The following SLC6A17 variants were observed in gnomAD, a reference collection of about 807,000 sequenced individuals.
SLC6A17 encodes sodium-dependent neutral amino acid transporter SLC6A17.
Under a neutral mutation model 64.5 loss-of-function variants are expected in SLC6A17, and 21 were observed. The ratio of observed to expected loss-of-function variants is 0.33; its 90% CI spans 0.23 to 0.47. SLC6A17 has a LOEUF of 0.47. SLC6A17 is among the 20% of genes least tolerant of loss of function. SLC6A17 has a pLI of 1.00. For missense variants in SLC6A17, 682 were observed against 963.2 expected (o/e 0.71, Z 3.86); for synonymous variants, 372 against 399.5 (o/e 0.93, Z 0.82).
At position 110,198,470 on chromosome 1, in the gene SLC6A17, T is replaced by C; in HGVS notation, c.*26T>C. 1 of 1,578,476 alleles carries C rather than the reference T, an allele frequency of 6.3e-7. No homozygotes were observed. Among genetic ancestry groups the C allele is most frequent in the Non-Finnish European group, 8.6e-7 (1 of 1,160,728 alleles). On this transcript the variant is annotated 3_prime_UTR_variant, in exon 12 of 12. Coordinates refer to ENST00000331565, the MANE Select transcript of SLC6A17 (RefSeq NM_001010898.4). ...CCACTGCCCAAGCCCTGCCCGCCTC[T>C]CCCCCCACGCTCAACCTGCCCACTT...
At chr1:110,159,420 C>T (rs911031679) in intron 1 of SLC6A17, among the ~76,000 whole-genome samples, 7 of 152,194 alleles carry the variant, frequency 4.6e-5, no homozygotes, top group African/African-American at 1.4e-4. Flanking sequence ...GGACCATCTG[C>T]CCCCTTTCCT....
chr1:110,187,183 A>G (rs1254039112), intron 6 of SLC6A17, among the ~76,000 whole-genome samples: 1 of 152,124 alleles, frequency 6.6e-6, no homozygotes, highest in Non-Finnish European at 1.5e-5. Flanking sequence ...AGTTTAATTG[A>G]GCAATGAACA....
chr1:110,199,677 AG>A lies in SLC6A17; in HGVS notation c.*1235del. 3.2e-6 allele frequency: 1 copy of A among 309,404 alleles called. No homozygotes were observed. Among genetic ancestry groups the A allele is most frequent in the East Asian group, 5.1e-5 (1 of 19,632 alleles). The allele number at this position is 309,404 out of a possible 1,614,324, so 19.2% of individuals were successfully genotyped here. ...TGCTGTGGACAGTAGAGGCTGCCAA[AG>A]GCAAGGGCTGGTCTTCAGGATGGAG... On this transcript the variant is annotated 3_prime_UTR_variant, in exon 12 of 12. Transcript: ENST00000331565.
At position 110,176,130 on chromosome 1, in the gene SLC6A17, G is replaced by A. The variant is rs543665293; in HGVS notation, c.754-499G>A. ...CGCACGCAGGGATATAGACATGTGCGAGAAATGCTGTGGTAGAGAAGAGCA... is the reference window on the plus strand; with the variant it reads ...CGCACGCAGGGATATAGACATGTGCAAGAAATGCTGTGGTAGAGAAGAGCA... On this transcript the variant is annotated intron_variant, in intron 5 of 11. Transcript: ENST00000331565. 6.6e-5 allele frequency among the ~76,000 whole-genome samples: 10 copies of A among 152,278 alleles called. No homozygotes were observed. The South Asian group carries it at 1.9e-3, about 28-fold the overall frequency.
rs1266497568 is a variant in SLC6A17, at chr1:110,195,582, G to C, written c.1493-4G>C. 3 of 1,614,110 alleles carry C rather than the reference G, an allele frequency of 1.9e-6. No individual in the cohort carries two copies. The highest frequency in any genetic ancestry group is 1.1e-5 in the South Asian group (1 of 91,080). On this transcript the variant is annotated splice_region_variant and splice_polypyrimidine_tract_variant and intron_variant, in intron 9 of 11. Coordinates refer to ENST00000331565, the MANE Select transcript of SLC6A17 (RefSeq NM_001010898.4). ...CCCCAAACCGGCCTCCCGGCTCTCT[G>C]TAGTGGGCTGCTGTGTCTTTGCATT...
chr1:110,176,547 G>A (rs1212847443), intron 5 of SLC6A17, 82 bp from the exon 6 acceptor site: 1 of 1,334,596 alleles, frequency 7.5e-7, no homozygotes, highest in African/African-American at 1.4e-5. Flanking sequence ...GGCGGCTCAT[G>A]TGCCCCAGAT....
At chr1:110,151,210 C>T (rs1366474012) in intron 1 of SLC6A17, among the ~76,000 whole-genome samples, 1 of 152,216 alleles carries the variant, frequency 6.6e-6, no homozygotes, top group Non-Finnish European at 1.5e-5. Flanking sequence ...AGGCAAGCGC[C>T]CGCGGAGAAC....
intron 6 of SLC6A17, among the ~76,000 whole-genome samples, chr1:110,179,927 G>T (rs143827840): frequency 6.6e-6 from 1 of 152,144 alleles, no homozygotes; most frequent in East Asian, 1.9e-4. Context: ...ATTTGCAGAG[G>T]CCAGGGTCTT....
At position 110,198,768 on chromosome 1, in the gene SLC6A17, A is replaced by G. The variant is rs1657040790; in HGVS notation, c.*324A>G. On this transcript the variant is annotated 3_prime_UTR_variant, in exon 12 of 12. Coordinates refer to ENST00000331565, the MANE Select transcript of SLC6A17 (RefSeq NM_001010898.4). ...ATGGGAGATTCCAAGTGGCCACTGC[A>G]GGAGTCACTCACCTCCCTCTCTCCC... is the stretch of plus-strand genomic sequence containing the variant. The G allele has an allele frequency of 3.8e-6, 1 of 264,666 alleles. No homozygotes were observed. Among genetic ancestry groups the G allele is most frequent in the Non-Finnish European group, 7.2e-6 (1 of 139,420 alleles). 16.4% of individuals were successfully genotyped at this position (264,666 alleles called of 1,614,324 possible). A position where few individuals can be genotyped will look rare whatever the true frequency, so the allele number is the denominator to read the frequency against.
At chr1:110,178,689 C>A in intron 6 of SLC6A17, 1 of 153,214 alleles carries the variant, frequency 6.5e-6, no homozygotes, top group South Asian at 1.8e-4. Flanking sequence ...TGAGGACTCT[C>A]TGCTTCAAAG....
In SLC6A17 at chr1:110,198,503, C is replaced by T. The variant is rs956659079; in HGVS notation, c.*59C>T. The T allele has an allele frequency of 3.8e-5, 59 of 1,547,562 alleles. No individual in the cohort carries two copies. Among genetic ancestry groups the T allele is most frequent in the African/African-American group, 2.7e-5 (2 of 73,356 alleles). On this transcript the variant is annotated 3_prime_UTR_variant, in exon 12 of 12. Transcript: ENST00000331565. ...CGCTCAACCTGCCCACTTGTCCAGGCCTGGCCTCTTTCTTGAGGTGGCCAC... is the reference window on the plus strand; with the variant it reads ...CGCTCAACCTGCCCACTTGTCCAGGTCTGGCCTCTTTCTTGAGGTGGCCAC...
intron 1 of SLC6A17, among the ~76,000 whole-genome samples, chr1:110,164,070 T>A (rs1655986328): frequency 6.6e-6 from 1 of 151,952 alleles, no homozygotes; most frequent in African/African-American, 2.4e-5. Flanking sequence ...CCCTTCCACA[T>A]GAAATGCAAA....
Position 110,192,467 on chromosome 1 carries a change from C to T in SLC6A17, c.1107-39C>T. 6.3e-7 allele frequency: 1 copy of T among 1,580,856 alleles called. No homozygotes were observed. The highest frequency in any genetic ancestry group is 1.7e-5 in the Admixed American group (1 of 58,034). The stretch of plus-strand genomic sequence containing the variant: ...TCCAGGATCTCACCCATTGCCCACC[C>T]CTGCCTTCTTACCTGGTCCTCTCGG... On this transcript the variant is annotated intron_variant, in intron 7 of 11. Transcript: ENST00000331565. This position sits in a 1 kb window ranked among gnomAD's most constrained non-coding sequence, Gnocchi z 4.3.
In SLC6A17 at chr1:110,150,524, G is replaced by A. The variant is rs968415142; in HGVS notation, c.-447G>A. On this transcript the variant is annotated 5_prime_UTR_variant, in exon 1 of 12. Transcript: ENST00000331565. ...GGAAAGCGAGGGAACAGTGCGCGCAGCGCTCCGCCCAGCTCCGTTCTGCTC... is the reference window on the plus strand; with the variant it reads ...GGAAAGCGAGGGAACAGTGCGCGCAACGCTCCGCCCAGCTCCGTTCTGCTC... The A allele has an allele frequency of 2.0e-5, 3 of 152,294 alleles. No individual in the cohort carries two copies. Among genetic ancestry groups the A allele is most frequent in the African/African-American group, 7.2e-5 (3 of 41,464 alleles). The allele number at this position is 152,294 out of a possible 1,614,324, so 9.4% of individuals were successfully genotyped here. A position where few individuals can be genotyped will look rare whatever the true frequency, so the allele number is the denominator to read the frequency against.
chr1:110,156,239 G>C (rs1312285806), intron 1 of SLC6A17, among the ~76,000 whole-genome samples: 2 of 152,240 alleles, frequency 1.3e-5, no homozygotes, highest in Non-Finnish European at 2.9e-5. Context: ...GGTCAAGTGA[G>C]GAAGATCCTG....
intron 6 of SLC6A17, among the ~76,000 whole-genome samples, chr1:110,190,705 T>G (rs1378846150): frequency 6.6e-6 from 1 of 152,164 alleles, no homozygotes; most frequent in Non-Finnish European, 1.5e-5. Flanking sequence ...ACTCTCTGAA[T>G]TGGCTCCTTG....
chr1:110,173,893 GTGCTGGGC>G, intron 3 of SLC6A17, 72 bp from the exon 4 acceptor site: 3 of 1,558,100 alleles, frequency 1.9e-6, no homozygotes, highest in Admixed American at 1.9e-5. Flanking sequence ...CGCTGCCGAC[GTGCTGGGC>G]CTCGGGTGGA....
chr1:110,164,621 G>A (rs369980290), intron 1 of SLC6A17, among the ~76,000 whole-genome samples: 15 of 152,204 alleles, frequency 9.9e-5, no homozygotes, highest in East Asian at 5.8e-4. Context: ...CCCTCAGTGC[G>A]GGATGCGCAT....
rs1335402299 is a variant in SLC6A17, at chr1:110,199,569, C to T, written c.*1125C>T. 1.8e-5 allele frequency: 3 copies of T among 171,184 alleles called. No individual in the cohort carries two copies. Among genetic ancestry groups the T allele is most frequent in the Non-Finnish European group, 3.7e-5 (3 of 80,832 alleles). 10.6% of individuals were successfully genotyped at this position (171,184 alleles called of 1,614,324 possible). A position where few individuals can be genotyped will look rare whatever the true frequency, so the allele number is the denominator to read the frequency against. ...ACTCTCCTTATTACACAAGCACAGC[C>T]GCCCAGTGTGCACATCATGTGCAGA... On this transcript the variant is annotated 3_prime_UTR_variant, in exon 12 of 12. Coordinates refer to ENST00000331565, the MANE Select transcript of SLC6A17 (RefSeq NM_001010898.4).
Sources: allele counts gnomAD v4.1 joint callset (sites outside exome capture counted in the v4.1 genomes callset), GRCh38; gene constraint gnomAD v4.1.1; non-coding constraint Gnocchi (gnomAD v3.1); transcripts MANE v1.5; gene names NCBI Gene and HGNC (gene_info 2026-07-23, HGNC 2026-07-21).